The following AGTPBP1 variants were observed in gnomAD, a reference collection of about 807,000 sequenced individuals.
The protein encoded by AGTPBP1 is ATP/GTP binding carboxypeptidase 1.
In AGTPBP1, 70 loss-of-function variants were observed where a neutral mutation model predicts 143.9. The ratio of observed to expected loss-of-function variants is 0.49; its 90% CI spans 0.40 to 0.59. The LOEUF (loss-of-function observed/expected upper bound fraction) is 0.59. Among genes scored for constraint, AGTPBP1 ranks in the 20% least tolerant of loss-of-function variants. The pLI, the probability that AGTPBP1 is intolerant of heterozygous loss-of-function variation, is 0.00. For missense variants in AGTPBP1, 1,229 were observed against 1,464.5 expected, an observed-to-expected ratio of 0.84 and a Z score of 2.62; for synonymous variants, 463 against 500.2, an observed-to-expected ratio of 0.93 and a Z score of 0.99.
the AGTPBP1 span, among the ~76,000 whole-genome samples, chr9:85,801,049 T>A: frequency 2.0e-5 from 3 of 152,182 alleles, no homozygotes; most frequent in African/African-American, 7.2e-5. Context: ...CTGTGGCTCA[T>A]GCCTATAATC....
At chr9:85,581,966 G>GA (rs370281328) in intron 23 of AGTPBP1, among the ~76,000 whole-genome samples, 2 of 151,888 alleles carry the variant, frequency 1.3e-5, no homozygotes, top group Non-Finnish European at 2.9e-5. Flanking sequence ...TTCCAAGAAA[G>GA]AAAAAAAATC....
chr9:85,669,007 G>A (rs62569201), intron 8 of AGTPBP1, among the ~76,000 whole-genome samples: 2,363 of 61,874 alleles, frequency 0.038, 26 homozygotes, highest in Middle Eastern at 0.15. Flanking sequence ...GTGTGTGTGT[G>A]TATACATACA....
chr9:85,747,722 T>C, the AGTPBP1 span, among the ~76,000 whole-genome samples: 1 of 152,174 alleles, frequency 6.6e-6, no homozygotes, highest in Non-Finnish European at 1.5e-5. Flanking sequence ...AAAAGTATTC[T>C]ATACTCACCT....
chr9:85,781,199 T>C, the AGTPBP1 span: 1 of 1,486,044 alleles, frequency 6.7e-7, no homozygotes, highest in Non-Finnish European at 8.9e-7. Context: ...TTTTGTTGTA[T>C]AGAACAAGAT....
chr9:85,779,022 C>T, the AGTPBP1 span, among the ~76,000 whole-genome samples: 2 of 151,968 alleles, frequency 1.3e-5, no homozygotes, highest in Non-Finnish European at 2.9e-5. Flanking sequence ...GAGTCCTTAG[C>T]ATTTTTGGGT....
At chr9:85,574,731 T>C (rs1213566076) in intron 25 of AGTPBP1, among the ~76,000 whole-genome samples, 4 of 151,170 alleles carry the variant, frequency 2.6e-5, no homozygotes, top group Non-Finnish European at 4.4e-5. Flanking sequence ...TTTTTGGAGA[T>C]AGAGTCTCCC....
chr9:85,720,927 A>C (rs1838068188), intron 1 of AGTPBP1, among the ~76,000 whole-genome samples: 1 of 152,172 alleles, frequency 6.6e-6, no homozygotes, highest in Non-Finnish European at 1.5e-5. Flanking sequence ...TTATGTACCC[A>C]GTAGTCATTC....
intron 3 of AGTPBP1, among the ~76,000 whole-genome samples, chr9:85,685,737 T>C (rs1271684287): frequency 6.6e-6 from 1 of 152,068 alleles, no homozygotes; most frequent in Non-Finnish European, 1.5e-5. Context: ...AAAACTACCT[T>C]TTTTCTTTTT....
chr9:85,731,904 A>C (rs552716359), intron 1 of AGTPBP1, among the ~76,000 whole-genome samples: 1 of 152,318 alleles, frequency 6.6e-6, no homozygotes, highest in South Asian at 2.1e-4. Flanking sequence ...AAAACCAAAC[A>C]AATCTGTAAG....
chr9:85,633,388 A>C lies in AGTPBP1; in HGVS notation c.1303-14T>G. The C allele has an allele frequency of 6.7e-7, 1 of 1,495,048 alleles. No homozygotes were observed. Among genetic ancestry groups the C allele is most frequent in the African/African-American group, 1.4e-5 (1 of 71,230 alleles). 92.6% of individuals were successfully genotyped at this position (1,495,048 alleles called of 1,614,324 possible). A position where few individuals can be genotyped will look rare whatever the true frequency, so the allele number is the denominator to read the frequency against. Reference sequence around the variant, plus strand: ...TAAATCATAGTCCTTTGAAAATAAAAACATGTTTAATCTTTTAACTGTAAA... The same window carrying C: ...TAAATCATAGTCCTTTGAAAATAAACACATGTTTAATCTTTTAACTGTAAA... On this transcript the variant is annotated splice_polypyrimidine_tract_variant and intron_variant, in intron 13 of 25. Transcript: ENST00000357081.
the AGTPBP1 span, among the ~76,000 whole-genome samples, chr9:85,776,204 A>C: frequency 1.3e-5 from 2 of 152,260 alleles, no homozygotes; most frequent in African/African-American, 4.8e-5. Flanking sequence ...CACATGATAA[A>C]GGAAAAAGGA....
chr9:85,696,497 A>G (rs1369486169), intron 2 of AGTPBP1, among the ~76,000 whole-genome samples: 1 of 152,020 alleles, frequency 6.6e-6, no homozygotes, highest in Non-Finnish European at 1.5e-5. Context: ...GTGAAACCCC[A>G]TCTCTACTAA....
rs969978291 is a variant in AGTPBP1 at position 85,657,547 on chromosome 9, A to T, written c.797T>A (p.Met266Lys). ...WHRHDNRHRNMLIRKGILQSL... is the reference protein window; with the variant it reads ...WHRHDNRHRNKLIRKGILQSL... ...CTGTAAAATTCCTTTCCGAATGAGCATGTTTCTATGCCGGTTATCATGGCG... is the reference window on the plus strand; with the variant it reads ...CTGTAAAATTCCTTTCCGAATGAGCTTGTTTCTATGCCGGTTATCATGGCG... The change falls in exon 10 of 26, where the codon ATG becomes AAG. Residue 266 changes from methionine to lysine, a missense_variant. Met to Lys is a moderately conservative substitution (Grantham distance 95). Around this residue, in one of 2 missense-constraint regions of AGTPBP1, gnomAD observed 743 missense variants for 812.2 expected, o/e 0.91. Coordinates refer to ENST00000357081, the MANE Select transcript of AGTPBP1 (RefSeq NM_001330701.2). The T allele has an allele frequency of 6.2e-7, 1 of 1,613,858 alleles. No individual in the cohort carries two copies. Among genetic ancestry groups the T allele is most frequent in the Non-Finnish European group, 8.5e-7 (1 of 1,179,912 alleles).
At chr9:85,579,232 A>G in intron 23 of AGTPBP1, 136 bp from the exon 24 acceptor site, 3 of 802,774 alleles carry the variant, frequency 3.7e-6, no homozygotes, top group Non-Finnish European at 5.5e-6. Flanking sequence ...ATCCCTTGCC[A>G]TTCAAACAGC....
intron 21 of AGTPBP1, among the ~76,000 whole-genome samples, chr9:85,587,742 G>C (rs1253381849): frequency 1.3e-5 from 2 of 152,120 alleles, no homozygotes; most frequent in Non-Finnish European, 2.9e-5. Context: ...GCACTACAGA[G>C]ACCTTGTCAA....
chr9:85,694,033 A>G (rs1203134524), intron 2 of AGTPBP1, among the ~76,000 whole-genome samples: 1 of 151,970 alleles, frequency 6.6e-6, no homozygotes, highest in Non-Finnish European at 1.5e-5. Context: ...AGTGAGGAAC[A>G]AGGTCAGAGT....
intron 3 of AGTPBP1, among the ~76,000 whole-genome samples, chr9:85,687,145 C>G (rs1325698337): frequency 6.6e-6 from 1 of 152,010 alleles, no homozygotes; most frequent in Non-Finnish European, 1.5e-5. Flanking sequence ...AGACAAAAAG[C>G]AATATTTCAC....
intron 1 of AGTPBP1, among the ~76,000 whole-genome samples, chr9:85,717,597 A>G (rs1341433477): frequency 2.0e-5 from 3 of 152,026 alleles, no homozygotes; most frequent in African/African-American, 7.3e-5. Context: ...CTAACCCCCA[A>G]GTGACAATAT....
chr9:85,746,925 C>A (rs149695623), upstream of AGTPBP1, among the ~76,000 whole-genome samples: 559 of 152,204 alleles, frequency 3.7e-3, 2 homozygotes, highest in African/African-American at 0.013. Context: ...ATGATCATAG[C>A]CCACTGCAGC....
Sources: gnomAD v4.1 joint callset for allele counts (sites outside exome capture counted in the v4.1 genomes callset) on GRCh38, gnomAD v4.1.1 for gene constraint, gnomAD v4.1.1 regional missense constraint, MANE v1.5 for transcripts, NCBI Gene and HGNC (gene_info 2026-07-23, HGNC 2026-07-21) for gene names.